ATP13A3: variants seen among roughly 807,000 people sequenced by gnomAD.
ATP13A3 encodes polyamine-transporting ATPase 13A3.
In ATP13A3, 59 loss-of-function variants were observed where a neutral mutation model predicts 158.1. The ratio of observed to expected loss-of-function variants is 0.37; its 90% CI spans 0.30 to 0.46. The LOEUF (loss-of-function observed/expected upper bound fraction) is 0.46, where lower values mean the gene tolerates loss of function less well. ATP13A3 is among the 20% of genes least tolerant of loss of function. The probability of loss-of-function intolerance (pLI) is 1.00; values close to 1 mark genes in which losing one functional copy is unlikely to be tolerated. For missense variants in ATP13A3, 1,166 were observed against 1,525.2 expected (o/e 0.76, Z 3.92); for synonymous variants, 491 against 504.3 (o/e 0.97, Z 0.35).
Position 194,454,300 on chromosome 3 carries a change from C to T in ATP13A3, c.723G>A (p.Met241Ile), listed in dbSNP as rs1049475022. 1.2e-6 allele frequency: 2 copies of T among 1,608,664 alleles called. 1 individual carries two copies. Among genetic ancestry groups the T allele is most frequent in the South Asian group, 2.2e-5 (2 of 90,952 alleles). Residue 241 changes from methionine to isoleucine, a missense_variant, in exon 9 of 34, where the codon ATG becomes ATA. Coordinates refer to ENST00000645319, the MANE Select transcript of ATP13A3 (RefSeq NM_001367549.1). ...GTGAGCTTACGATTGATACTATGGA[C>T]ATAACCACAATAGCTAGAGCATAGT... Reference protein sequence around the residue: ...YYYYALAIVVMSIVSIVSSLY... With the variant: ...YYYYALAIVVISIVSIVSSLY...
chr3:194,421,414 G>A (rs190740313), intron 30 of ATP13A3, among the ~76,000 whole-genome samples: 139 of 150,108 alleles, frequency 9.3e-4, no homozygotes, highest in African/African-American at 3.2e-3. Context: ...TTAGCCAGGC[G>A]TGGTGGCGGG....
At chr3:194,463,263 TCATTGAGCC>T (rs1469066028) in intron 2 of ATP13A3, among the ~76,000 whole-genome samples, 2 of 151,574 alleles carry the variant, frequency 1.3e-5, no homozygotes, top group African/African-American at 2.4e-5. Context: ...GGGAAAAAAT[TCATTGAGCC>T]CACTGACATA....
Position 194,427,222 on chromosome 3 carries a change from A to C in ATP13A3, c.2978T>G (p.Val993Gly). ...MSLNPAWKELVAQRPPSGLIS... is the reference protein window; with the variant it reads ...MSLNPAWKELGAQRPPSGLIS... ...AAGACCCGAAGGTGGTCTTTGTGCC[A>C]CAAGTTCTTTCCAGGCAGGATTTAA... The change falls in exon 29 of 34, where the codon GTG (valine) becomes GGG (glycine). Residue 993 changes from valine to glycine, a missense_variant. Around this residue, in one of 3 missense-constraint regions of ATP13A3, gnomAD observed 997 missense variants for 1,341.2 expected, o/e 0.74. Coordinates refer to ENST00000645319, the MANE Select transcript of ATP13A3 (RefSeq NM_001367549.1). 2 of 1,607,098 alleles carry C rather than the reference A, an allele frequency of 1.2e-6. No individual in the cohort carries two copies. The highest frequency in any genetic ancestry group is 1.7e-6 in the Non-Finnish European group (2 of 1,178,544).
intron 3 of ATP13A3, among the ~76,000 whole-genome samples, chr3:194,461,420 T>G (rs1411188889): frequency 3.3e-5 from 5 of 152,186 alleles, no homozygotes; most frequent in African/African-American, 1.2e-4. Flanking sequence ...TGTTGCACAA[T>G]ATAATCGAGA....
chr3:194,411,335 C>T (rs1032092305), intron 33 of ATP13A3, among the ~76,000 whole-genome samples: 2 of 152,122 alleles, frequency 1.3e-5, no homozygotes, highest in Non-Finnish European at 2.9e-5. Context: ...GTGAAAGACT[C>T]AGAGCTCCTA....
intron 32 of ATP13A3, 184 bp from the exon 33 acceptor site, chr3:194,412,472 AATC>A: frequency 1.8e-6 from 1 of 553,596 alleles, no homozygotes; most frequent in South Asian, 2.3e-5. Context: ...AACAAATACA[AATC>A]ATCATAAAAT....
At chr3:194,483,311 G>T (rs900781839) in intron 2 of ATP13A3, among the ~76,000 whole-genome samples, 1 of 150,600 alleles carries the variant, frequency 6.6e-6, no homozygotes, top group Non-Finnish European at 1.5e-5. Context: ...AAAAAAGGAC[G>T]GGGTGCAGTG....
At chr3:194,431,682 C>A (rs374195974) in intron 22 of ATP13A3, 35 bp downstream of exon 22, 1 of 1,457,726 alleles carries the variant, frequency 6.9e-7, no homozygotes. Context: ...TTTAAATCAA[C>A]AAACTTTAAA....
intron 10 of ATP13A3, 137 bp from the exon 11 acceptor site, chr3:194,450,413 C>T: frequency 1.3e-6 from 1 of 789,558 alleles, no homozygotes; most frequent in Non-Finnish European, 2.0e-6. Flanking sequence ...CAACAAATGG[C>T]AAGTTTTAAC....
In ATP13A3 at chr3:194,402,717, A is replaced by G. The variant is rs1437728225; in HGVS notation, c.*3202T>C. 6.6e-6 allele frequency: 1 copy of G among 152,244 alleles called. No homozygotes were observed. The highest frequency in any genetic ancestry group is 2.4e-5 in the African/African-American group (1 of 41,458). 9.4% of individuals were successfully genotyped at this position (152,244 alleles called of 1,614,324 possible). A position where few individuals can be genotyped will look rare whatever the true frequency, so the allele number is the denominator to read the frequency against. ...TTTTTATTTTGAATAGCTTCAATCA[A>G]AAAAGGTTTCATAAGATTATTTACA... On this transcript the variant is annotated 3_prime_UTR_variant, in exon 34 of 34. Coordinates refer to ENST00000645319, the MANE Select transcript of ATP13A3 (RefSeq NM_001367549.1).
In ATP13A3 at chr3:194,405,130, T is replaced by C. The variant is rs947771531; in HGVS notation, c.*789A>G. 1.3e-5 allele frequency: 2 copies of C among 152,168 alleles called. No individual in the cohort carries two copies. The highest frequency in any genetic ancestry group is 2.9e-5 in the Non-Finnish European group (2 of 68,032). The allele number at this position is 152,168 out of a possible 1,614,324, so 9.4% of individuals were successfully genotyped here. The stretch of plus-strand genomic sequence containing the variant: ...TACATCTACTGCCGAAAGAAATGAA[T>C]CTTATTTCCTAGTGAAAAAGGTTCT... On this transcript the variant is annotated 3_prime_UTR_variant, in exon 34 of 34. Transcript: ENST00000645319.
chr3:194,457,585 T>A (rs1719319583), intron 6 of ATP13A3, among the ~76,000 whole-genome samples: 1 of 152,158 alleles, frequency 6.6e-6, no homozygotes, highest in Non-Finnish European at 1.5e-5. Context: ...TAGTTTCTCC[T>A]TTTCAATTTT....
At position 194,453,379 on chromosome 3, in the gene ATP13A3, G is replaced by A. The variant is rs78574036; in HGVS notation, c.838+327C>T. Among the ~76,000 whole-genome samples the A allele has an allele frequency of 3.3e-3, 501 of 150,376 alleles. 5 individuals carry two copies. The highest frequency in any genetic ancestry group is 0.012 in the African/African-American group (483 of 40,876). ...AGGCCCAGGTGGGCAGATCACTTCA[G>A]CCCAGAAGTCTGAGACCAGACTGGG... On this transcript the variant is annotated intron_variant, in intron 10 of 33. Coordinates refer to ENST00000645319, the MANE Select transcript of ATP13A3 (RefSeq NM_001367549.1).
At chr3:194,492,249 T>G (rs185321313) in intron 2 of ATP13A3, among the ~76,000 whole-genome samples, 1 of 152,254 alleles carries the variant, frequency 6.6e-6, no homozygotes, top group Non-Finnish European at 1.5e-5. Flanking sequence ...ACTCACGGTC[T>G]TTGTACAATC....
At chr3:194,451,801 G>GT (rs1191788614) in intron 10 of ATP13A3, 1 of 152,510 alleles carries the variant, frequency 6.6e-6, no homozygotes, top group Non-Finnish European at 1.5e-5. Flanking sequence ...TTCTCTTCCA[G>GT]TTTCCTATTT....
rs1226613319 is a variant in ATP13A3, at chr3:194,405,803, A to G, written c.*116T>C. On this transcript the variant is annotated 3_prime_UTR_variant, in exon 34 of 34. Coordinates refer to ENST00000645319, the MANE Select transcript of ATP13A3 (RefSeq NM_001367549.1). ...GAGCAAAGCTGTCAAATAAGCTACT[A>G]TATCAGAAGGGACATAAACTGAACT... is the stretch of plus-strand genomic sequence containing the variant. 4.8e-6 allele frequency: 5 copies of G among 1,045,874 alleles called. No individual in the cohort carries two copies. Among genetic ancestry groups the G allele is most frequent in the Middle Eastern group, 2.5e-4 (1 of 3,966 alleles). 64.8% of individuals were successfully genotyped at this position (1,045,874 alleles called of 1,614,324 possible).
At chr3:194,493,861 A>T (rs1302336007) in intron 2 of ATP13A3, among the ~76,000 whole-genome samples, 8 of 152,164 alleles carry the variant, frequency 5.3e-5, no homozygotes, top group Non-Finnish European at 4.4e-5. Flanking sequence ...ATAGACGAAG[A>T]AACTTTACAT....
chr3:194,471,379 C>T (rs1235062391), intron 2 of ATP13A3, among the ~76,000 whole-genome samples: 5 of 147,822 alleles, frequency 3.4e-5, no homozygotes, highest in African/African-American at 1.3e-4. Flanking sequence ...TTTGAGACAG[C>T]ATCTTGCTCT....
rs1338843980 is a variant in ATP13A3 at position 194,433,289 on chromosome 3, T to C, written c.2245+483A>G. On this transcript the variant is annotated intron_variant, in intron 21 of 33. Coordinates refer to ENST00000645319, the MANE Select transcript of ATP13A3 (RefSeq NM_001367549.1). The stretch of plus-strand genomic sequence containing the variant: ...TCTCGCTCTGTCGCCCAGGCCGGAC[T>C]GCGGACTGCAGTGGCGCAATCTCGG... Among the ~76,000 whole-genome samples the C allele has an allele frequency of 1.3e-4, 19 of 144,748 alleles. 1 individual carries two copies. The East Asian group carries it at 3.1e-3, about 24-fold the overall frequency. 95.0% of individuals were successfully genotyped at this position (144,748 alleles called of 152,430 possible). A position where few individuals can be genotyped will look rare whatever the true frequency, so the allele number is the denominator to read the frequency against.
Sources: gnomAD v4.1 joint callset for allele counts (sites outside exome capture counted in the v4.1 genomes callset) on GRCh38, gnomAD v4.1.1 for gene constraint, gnomAD v4.1.1 regional missense constraint, MANE v1.5 for transcripts, NCBI Gene and HGNC (gene_info 2026-07-23, HGNC 2026-07-21) for gene names.